Variants in CREB3L2 observed in about 807,000 individuals in gnomAD.
The protein encoded by CREB3L2 is cAMP responsive element binding protein 3 like 2, also known as cyclic AMP-responsive element-binding protein 3-like protein 2.
Under a neutral mutation model 57.2 loss-of-function variants are expected in CREB3L2, and 23 were observed. That is an observed-to-expected ratio of 0.40 (90% CI 0.29 to 0.57). The LOEUF (loss-of-function observed/expected upper bound fraction) is 0.57. Among genes scored for constraint, CREB3L2 ranks in the 20% least tolerant of loss-of-function variants. The probability of loss-of-function intolerance (pLI) is 0.42; values close to 1 mark genes in which losing one functional copy is unlikely to be tolerated. For synonymous variants in CREB3L2, 268 were observed against 265.1 expected (o/e 1.01, Z -0.11); for missense variants, 628 against 634.7 (o/e 0.99, Z 0.11).
At chr7:137,961,867 C>T (rs1397038042) in intron 1 of CREB3L2, among the ~76,000 whole-genome samples, 1 of 152,150 alleles carries the variant, frequency 6.6e-6, no homozygotes, top group African/African-American at 2.4e-5. Context: ...TGACCCATGC[C>T]CTCTTCATGC....
chr7:137,917,964 A>C lies in CREB3L2; in HGVS notation c.320-1952T>G, dbSNP rs192412169. Among the ~76,000 whole-genome samples, 916 of 152,106 alleles carry C rather than the reference A, an allele frequency of 6.0e-3. 6 individuals are homozygous for C. Among genetic ancestry groups the C allele is most frequent in the African/African-American group, 0.021 (879 of 41,468 alleles). ...AGGGCTCTCTGATGGCGGCCAGAGG[A>C]GGGAGACCACTCTGTACTGGACTCA... On this transcript the variant is annotated intron_variant, in intron 2 of 11. Transcript: ENST00000330387.
intron 1 of CREB3L2, among the ~76,000 whole-genome samples, chr7:137,972,236 C>T (rs1274021266): frequency 2.6e-5 from 4 of 151,808 alleles, no homozygotes; most frequent in South Asian, 2.1e-4. Context: ...GTCAGGAGTT[C>T]GAGACCAGCC....
At chr7:137,904,857 G>GAAAGA (rs1307796948) in intron 6 of CREB3L2, among the ~76,000 whole-genome samples, 1 of 148,902 alleles carries the variant, frequency 6.7e-6, no homozygotes, top group Non-Finnish European at 1.5e-5. Context: ...AAAAAAGAAA[G>GAAAGA]AAAGAAAAGA....
intron 10 of CREB3L2, among the ~76,000 whole-genome samples, chr7:137,883,827 G>T (rs140437765): frequency 6.6e-6 from 1 of 152,172 alleles, no homozygotes; most frequent in African/African-American, 2.4e-5. Context: ...GATAAGGGGG[G>T]ACTACTGTAC....
intron 1 of CREB3L2, among the ~76,000 whole-genome samples, chr7:137,974,925 G>A (rs1801579909): frequency 1.3e-5 from 2 of 152,204 alleles, no homozygotes. Flanking sequence ...CTTAGAGACA[G>A]ATCCAGGCTA....
intron 2 of CREB3L2, among the ~76,000 whole-genome samples, chr7:137,916,770 AAGAGTGAGAGTG>A (rs373859888): frequency 5.3e-4 from 80 of 151,800 alleles, no homozygotes; most frequent in Non-Finnish European, 8.5e-4. Flanking sequence ...GAGAGAAAGC[AAGAGTGAGAGTG>A]AGAGTGAGAG....
Position 137,926,807 on chromosome 7 carries a change from A to G in CREB3L2, c.319+1343T>C, listed in dbSNP as rs924667321. Among the ~76,000 whole-genome samples, 22 of 152,276 alleles carry G rather than the reference A, an allele frequency of 1.4e-4. No homozygotes were observed. In the East Asian group the frequency reaches 4.2e-3, roughly 29 times the overall value. ...ATAGGAAATAGAGTTTTTAAAATTT[A>G]AAGTACTAAAATAGCTGGCTATCCC... On this transcript the variant is annotated intron_variant, in intron 2 of 11. Coordinates refer to ENST00000330387, the MANE Select transcript of CREB3L2 (RefSeq NM_194071.4).
At chr7:137,899,115 A>AGGAAGGAAGGAAGGAAGGAG (rs1943968779) in intron 8 of CREB3L2, among the ~76,000 whole-genome samples, 40 of 89,674 alleles carry the variant, frequency 4.5e-4, no homozygotes, top group African/African-American at 1.4e-3. Flanking sequence ...GAAGGAAGGA[A>AGGAAGGAAGGAAGGAAGGAG]GGAAGGAAGG....
intron 2 of CREB3L2, among the ~76,000 whole-genome samples, chr7:137,926,365 A>G (rs550457152): frequency 7.9e-5 from 12 of 152,366 alleles, no homozygotes; most frequent in African/African-American, 2.6e-4. Context: ...GATAAAGAAA[A>G]TGTAACACAT....
intron 1 of CREB3L2, among the ~76,000 whole-genome samples, chr7:137,989,106 T>C (rs1244934426): frequency 6.6e-6 from 1 of 152,206 alleles, no homozygotes; most frequent in East Asian, 1.9e-4. Flanking sequence ...ATTAATCTTG[T>C]TCCAAAAAAA....
intron 4 of CREB3L2, among the ~76,000 whole-genome samples, chr7:137,908,827 G>C (rs1194255067): frequency 6.6e-6 from 1 of 152,104 alleles, no homozygotes; most frequent in African/African-American, 2.4e-5. Flanking sequence ...TACAAAATTA[G>C]CCTGGCGTGG....
intron 2 of CREB3L2, among the ~76,000 whole-genome samples, chr7:137,917,083 C>A (rs984356211): frequency 6.6e-6 from 1 of 152,050 alleles, no homozygotes; most frequent in South Asian, 2.1e-4. Flanking sequence ...AACCATCTGC[C>A]CTTTGCTGAA....
At chr7:137,890,057 CATTAAT>C (rs1371674057) in intron 8 of CREB3L2, among the ~76,000 whole-genome samples, 5 of 152,068 alleles carry the variant, frequency 3.3e-5, no homozygotes, top group South Asian at 2.1e-4. Context: ...ACTCCAGTAA[CATTAAT>C]ATTATGTTGA....
At chr7:137,971,517 C>T (rs1801506968) in intron 1 of CREB3L2, among the ~76,000 whole-genome samples, 1 of 151,948 alleles carries the variant, frequency 6.6e-6, no homozygotes, top group South Asian at 2.1e-4. Context: ...ACACTGCAGA[C>T]ACCGCAGAAC....
At chr7:137,886,451 G>A (rs1365008217) in intron 8 of CREB3L2, among the ~76,000 whole-genome samples, 2 of 151,934 alleles carry the variant, frequency 1.3e-5, no homozygotes, top group Admixed American at 1.3e-4. Context: ...AGAGTAACAG[G>A]CATTCACAGG....
In CREB3L2 at chr7:137,885,800, T is replaced by C. The variant is rs1401587803; in HGVS notation, c.1044-298A>G. On this transcript the variant is annotated intron_variant, in intron 8 of 11. Coordinates refer to ENST00000330387, the MANE Select transcript of CREB3L2 (RefSeq NM_194071.4). Reference sequence around the variant, plus strand: ...CAGGCTGTGGCTTGTTTCTCAGCGATTGAGAACAAAGGAAAAGGAACACTC... The same window carrying C: ...CAGGCTGTGGCTTGTTTCTCAGCGACTGAGAACAAAGGAAAAGGAACACTC... Among the ~76,000 whole-genome samples, 4 of 152,150 alleles carry C rather than the reference T, an allele frequency of 2.6e-5. No homozygotes were observed. In the South Asian group the frequency reaches 6.2e-4, roughly 24 times the overall value.
chr7:137,947,700 C>A (rs1370697528), intron 1 of CREB3L2, among the ~76,000 whole-genome samples: 1 of 152,132 alleles, frequency 6.6e-6, no homozygotes, highest in African/African-American at 2.4e-5. Context: ...CTAGCCAAGA[C>A]CAAGTTGAGT....
intron 1 of CREB3L2, among the ~76,000 whole-genome samples, chr7:137,984,133 C>A (rs760754365): frequency 6.6e-6 from 1 of 152,218 alleles, no homozygotes; most frequent in Non-Finnish European, 1.5e-5. Context: ...TCTCACAGGT[C>A]CCGACCAGAC....
At chr7:137,881,855 G>A (rs1384553433) in intron 11 of CREB3L2, among the ~76,000 whole-genome samples, 1 of 152,154 alleles carries the variant, frequency 6.6e-6, no homozygotes. Flanking sequence ...GCCAAATAGA[G>A]GTTGTTCTCA....
Sources: allele counts gnomAD v4.1 joint callset (sites outside exome capture counted in the v4.1 genomes callset), GRCh38; gene constraint gnomAD v4.1.1; transcripts MANE v1.5; gene names NCBI Gene and HGNC (gene_info 2026-07-23, HGNC 2026-07-21).